Variants in WDR64 observed in about 807,000 individuals in gnomAD.
WDR64 encodes WD repeat domain 64.
WDR64 carries 112 observed loss-of-function variants against 139.3 expected under a neutral mutation model. The ratio of observed to expected loss-of-function variants is 0.80; its 90% CI spans 0.69 to 0.94. WDR64 has a LOEUF of 0.94. WDR64 is among the 40% of genes least tolerant of loss of function. WDR64 has a pLI of 0.00. For missense variants in WDR64, 1,206 were observed against 1,293.1 expected (o/e 0.93, Z 1.03); for synonymous variants, 444 against 437.7 (o/e 1.01, Z -0.18).
intron 7 of WDR64, 59 bp downstream of exon 7, chr1:241,683,760 G>A: frequency 2.3e-6 from 3 of 1,300,808 alleles, no homozygotes; most frequent in Non-Finnish European, 3.1e-6. Flanking sequence ...TTGCAAGTAA[G>A]CTTTATGGTA....
In WDR64 at chr1:241,729,567, G is replaced by A. The variant is rs150115731; in HGVS notation, c.1194+6131G>A. Among the ~76,000 whole-genome samples, 1,103 of 152,218 alleles carry A rather than the reference G, an allele frequency of 7.2e-3. 12 individuals are homozygous for A. The highest frequency in any genetic ancestry group is 0.022 in the African/African-American group (917 of 41,526). On this transcript the variant is annotated intron_variant, in intron 10 of 27. Transcript: ENST00000437684. The stretch of plus-strand genomic sequence containing the variant: ...TTCTCCAAAGGCTTTGTGCATTCCC[G>A]TCTTTGTCTGAAACAATTCTCCTCC...
chr1:241,666,952 T>A (rs1573989570), intron 2 of WDR64, among the ~76,000 whole-genome samples: 1 of 152,200 alleles, frequency 6.6e-6, no homozygotes, highest in South Asian at 2.1e-4. Flanking sequence ...CATGACCAAT[T>A]CCTGAAGCAC....
chr1:241,787,961 A>G lies in WDR64; in HGVS notation c.2818A>G (p.Ile940Val). The change falls in exon 24 of 28, where the codon ATA becomes GTA. Residue 940 changes from isoleucine (I) to valine (V), a missense_variant. By Grantham distance (29) the Ile-to-Val change is conservative. Transcript: ENST00000437684. ...GCCTTGTGATGTTACTGAATATCCC[A>G]TAGAAATAAAAGAAGAAAGCAAGTT... ...ILPCDVTEYP[I>V]EIKEESKFTE... The G allele has an allele frequency of 6.2e-7, 1 of 1,609,324 alleles. No individual in the cohort carries two copies. Among genetic ancestry groups the G allele is most frequent in the Non-Finnish European group, 8.5e-7 (1 of 1,178,850 alleles).
intron 25 of WDR64, 91 bp downstream of exon 25, chr1:241,790,787 AC>A: frequency 2.1e-6 from 2 of 934,552 alleles, no homozygotes; most frequent in Non-Finnish European, 3.2e-6. Flanking sequence ...CAGTAATATA[AC>A]ATATTAATTT....
chr1:241,708,631 T>C (rs993961261), intron 8 of WDR64, among the ~76,000 whole-genome samples: 7 of 149,104 alleles, frequency 4.7e-5, no homozygotes, highest in African/African-American at 1.7e-4. Context: ...AATAATTTAA[T>C]AGACATTTAT....
chr1:241,782,611 G>C (rs1170307046), intron 22 of WDR64, among the ~76,000 whole-genome samples: 1 of 152,110 alleles, frequency 6.6e-6, no homozygotes, highest in Admixed American at 6.5e-5. Context: ...AAGGTCTCCC[G>C]AGGCCCACGA....
At chr1:241,731,693 G>C (rs1253034276) in intron 10 of WDR64, among the ~76,000 whole-genome samples, 1 of 152,058 alleles carries the variant, frequency 6.6e-6, no homozygotes, top group African/African-American at 2.4e-5. Flanking sequence ...CTGTGTACTA[G>C]GTACATTAGT....
At chr1:241,723,545 T>A in intron 10 of WDR64, 109 bp downstream of exon 10, 1 of 1,236,864 alleles carries the variant, frequency 8.1e-7, no homozygotes, top group Non-Finnish European at 1.1e-6. Context: ...AGTCATTGAA[T>A]CATTGAGAAA....
At chr1:241,741,248 G>T (rs1295624100) in intron 11 of WDR64, among the ~76,000 whole-genome samples, 1 of 152,154 alleles carries the variant, frequency 6.6e-6, no homozygotes. Context: ...CACTAAAAAG[G>T]ATATCAATGA....
rs1300826216 is a variant in WDR64 at position 241,792,441 on chromosome 1, C to T, written c.2997+1745C>T. ...GTCCCAGCTACTCAGGAGGCTGAGGCAGGAGAATCTCTTGAACCCAGGAGA... is the reference window on the plus strand; with the variant it reads ...GTCCCAGCTACTCAGGAGGCTGAGGTAGGAGAATCTCTTGAACCCAGGAGA... On this transcript the variant is annotated intron_variant, in intron 25 of 27. Transcript: ENST00000437684. Among the ~76,000 whole-genome samples, 3 of 152,108 alleles carry T rather than the reference C, an allele frequency of 2.0e-5. 1 individual carries two copies. The highest frequency in any genetic ancestry group is 7.2e-5 in the African/African-American group (3 of 41,412).
At position 241,781,688 on chromosome 1, in the gene WDR64, G is replaced by T. The variant is rs574542521; in HGVS notation, c.2596-1584G>T. Reference sequence around the variant, plus strand: ...AGGACAATCTTAGTTTCTAATTGCGGATTTCAATCCATTAAGGGGTCATGA... The same window carrying T: ...AGGACAATCTTAGTTTCTAATTGCGTATTTCAATCCATTAAGGGGTCATGA... On this transcript the variant is annotated intron_variant, in intron 22 of 27. Transcript: ENST00000437684. Among the ~76,000 whole-genome samples the T allele has an allele frequency of 2.0e-5, 3 of 152,288 alleles. No homozygotes were observed. In the South Asian group the frequency reaches 6.2e-4, roughly 32 times the overall value.
intron 23 of WDR64, among the ~76,000 whole-genome samples, chr1:241,784,145 TAGAC>T (rs1240545691): frequency 1.3e-5 from 2 of 152,206 alleles, no homozygotes; most frequent in Non-Finnish European, 2.9e-5. Context: ...GCTAGTGAGT[TAGAC>T]AGACCAAAGC....
At chr1:241,654,464 T>G (rs376095050) in intron 1 of WDR64, among the ~76,000 whole-genome samples, 1 of 152,362 alleles carries the variant, frequency 6.6e-6, no homozygotes, top group African/African-American at 2.4e-5. Flanking sequence ...CCAGCCTACT[T>G]GGCCATTGCA....
At chr1:241,713,845 GA>G (rs1668293933) in intron 9 of WDR64, among the ~76,000 whole-genome samples, 1 of 152,164 alleles carries the variant, frequency 6.6e-6, no homozygotes, top group Non-Finnish European at 1.5e-5. Context: ...TTATTCATAA[GA>G]CTTGGAGATG....
chr1:241,652,886 G>A (rs560242069), intron 1 of WDR64, among the ~76,000 whole-genome samples: 8 of 152,288 alleles, frequency 5.3e-5, no homozygotes, highest in African/African-American at 1.9e-4. Flanking sequence ...GTAAAACTAT[G>A]GGATTGGATT....
chr1:241,801,714 T>G lies in WDR64; in HGVS notation c.*499T>G, dbSNP rs1659529295. 1 of 398,494 alleles carries G rather than the reference T, an allele frequency of 2.5e-6. No individual in the cohort carries two copies. Among genetic ancestry groups the G allele is most frequent in the African/African-American group, 2.1e-5 (1 of 48,634 alleles). The allele number at this position is 398,494 out of a possible 1,614,324, so 24.7% of individuals were successfully genotyped here. ...AAATATTATCTGGAAGAAAATGTCC[T>G]AAGTTTCTCAAAGTCAGAAATTATT... On this transcript the variant is annotated 3_prime_UTR_variant, in exon 28 of 28. Transcript: ENST00000437684.
intron 7 of WDR64, 35 bp from the exon 8 acceptor site, chr1:241,687,426 A>AAC (rs1667049232): frequency 2.5e-6 from 4 of 1,611,558 alleles, no homozygotes; most frequent in Non-Finnish European, 3.4e-6. Flanking sequence ...TTGTGTGTCT[A>AAC]ACATAAATCT....
intron 9 of WDR64, among the ~76,000 whole-genome samples, chr1:241,714,624 T>C (rs1668330534): frequency 6.6e-6 from 1 of 152,154 alleles, no homozygotes; most frequent in South Asian, 2.1e-4. Flanking sequence ...GCATTCAAAA[T>C]TTATATTTAA....
rs991408864 is a variant in WDR64, at chr1:241,671,160, G to A, written c.363G>A (p.Arg121=). ...ENLVFFVSRK[R]RILISGSRRR... Reference sequence around the variant, plus strand: ...TGGTTTTCTTTGTGTCTAGAAAAAGGCGAATTTTAATTTCAGGTGACATTT... The same window carrying A: ...TGGTTTTCTTTGTGTCTAGAAAAAGACGAATTTTAATTTCAGGTGACATTT... The change falls in exon 3 of 28, where the codon AGG becomes AGA. Residue 121 remains arginine, a synonymous_variant. Transcript: ENST00000437684. 6.5e-7 allele frequency: 1 copy of A among 1,548,908 alleles called. No individual in the cohort carries two copies. The highest frequency in any genetic ancestry group is 8.7e-7 in the Non-Finnish European group (1 of 1,145,410).
Sources: gnomAD v4.1 joint callset for allele counts (sites outside exome capture counted in the v4.1 genomes callset) on GRCh38, gnomAD v4.1.1 for gene constraint, MANE v1.5 for transcripts, NCBI Gene and HGNC (gene_info 2026-07-23, HGNC 2026-07-21) for gene names.